KCNH5: variants seen among roughly 807,000 people sequenced by gnomAD.
KCNH5 encodes potassium voltage-gated channel subfamily H member 5.
KCNH5 carries 46 observed loss-of-function variants against 96.1 expected under a neutral mutation model. The observed-to-expected ratio is 0.48, with a 90% CI of 0.38 to 0.61. The LOEUF (loss-of-function observed/expected upper bound fraction) is 0.61. Among genes scored for constraint, KCNH5 ranks in the 20% least tolerant of loss-of-function variants. The pLI is 0.00. For missense variants in KCNH5, 907 were observed against 1,225.8 expected, an observed-to-expected ratio of 0.74 and a Z score of 3.88; for synonymous variants, 439 against 449.8, an observed-to-expected ratio of 0.98 and a Z score of 0.30.
In KCNH5 at chr14:62,699,570, T is replaced by C. The variant is rs1416069850; in HGVS notation, c.*7938A>G. 1 of 152,220 alleles carries C rather than the reference T, an allele frequency of 6.6e-6. No homozygotes were observed. The highest frequency in any genetic ancestry group is 1.5e-5 in the Non-Finnish European group (1 of 68,030). 9.4% of individuals were successfully genotyped at this position (152,220 alleles called of 1,614,324 possible). ...CTCCCTGATGAAATACAGTTTATTG[T>C]GCTGAAACCCAGATTTCTTTTGGGC... is the stretch of plus-strand genomic sequence containing the variant. On this transcript the variant is annotated 3_prime_UTR_variant, in exon 11 of 11. Transcript: ENST00000322893.
intron 6 of KCNH5, among the ~76,000 whole-genome samples, chr14:62,957,040 T>C (rs1277434701): frequency 6.6e-6 from 1 of 152,184 alleles, no homozygotes; most frequent in African/African-American, 2.4e-5. Flanking sequence ...ATCAAGTGCA[T>C]AACAGAACAC....
intron 2 of KCNH5, among the ~76,000 whole-genome samples, chr14:63,011,700 T>G (rs927264145): frequency 5.3e-5 from 8 of 152,136 alleles, no homozygotes; most frequent in Non-Finnish European, 8.8e-5. Context: ...CTTCGGAGTC[T>G]GACATCACCA....
At chr14:62,799,706 TATATATATATATATATATATAC>T (rs1277713812) in intron 9 of KCNH5, among the ~76,000 whole-genome samples, 5 of 104,642 alleles carry the variant, frequency 4.8e-5, no homozygotes, top group Admixed American at 1.0e-4. Flanking sequence ...TATATATATA[TATATATATATATATATATATAC>T]ACACACACAC....
rs145043567 is a variant in KCNH5 at position 62,806,570 on chromosome 14, G to A, written c.1570-3989C>T. Reference sequence around the variant, plus strand: ...ACCCTCCCTACAAAGGAAGCAGACCGCAGCACTGACTGGATAACTTTGGGT... The same window carrying A: ...ACCCTCCCTACAAAGGAAGCAGACCACAGCACTGACTGGATAACTTTGGGT... On this transcript the variant is annotated intron_variant, in intron 8 of 10. Coordinates refer to ENST00000322893, the MANE Select transcript of KCNH5 (RefSeq NM_139318.5). Among the ~76,000 whole-genome samples the A allele has an allele frequency of 3.1e-4, 47 of 152,232 alleles. No homozygotes were observed. The East Asian group carries it at 7.9e-3, about 26-fold the overall frequency.
chr14:62,822,410 A>G (rs370629868), intron 8 of KCNH5, among the ~76,000 whole-genome samples: 2 of 152,148 alleles, frequency 1.3e-5, no homozygotes, highest in African/African-American at 4.8e-5. Context: ...ATGTTGGCAG[A>G]GGGACAGACA....
At chr14:62,847,537 T>A (rs1279628365) in intron 8 of KCNH5, among the ~76,000 whole-genome samples, 1 of 152,186 alleles carries the variant, frequency 6.6e-6, no homozygotes, top group Non-Finnish European at 1.5e-5. Context: ...CTTTTATATT[T>A]GTCACAGTTA....
chr14:62,795,276 GA>G (rs1183808900), intron 9 of KCNH5, among the ~76,000 whole-genome samples: 1 of 152,114 alleles, frequency 6.6e-6, no homozygotes, highest in African/African-American at 2.4e-5. Flanking sequence ...AAACAATTAT[GA>G]AAACAGTTTG....
At chr14:62,832,336 C>G (rs919510425) in intron 8 of KCNH5, among the ~76,000 whole-genome samples, 1 of 152,038 alleles carries the variant, frequency 6.6e-6, no homozygotes, top group East Asian at 1.9e-4. Flanking sequence ...CTTTAGATAC[C>G]TCAAATAAGT....
rs1884399854 is a variant in KCNH5 at position 62,704,791 on chromosome 14, G to C, written c.*2717C>G. 1 of 151,894 alleles carries C rather than the reference G, an allele frequency of 6.6e-6. No homozygotes were observed. Among genetic ancestry groups the C allele is most frequent in the Admixed American group, 6.6e-5 (1 of 15,246 alleles). The allele number at this position is 151,894 out of a possible 1,614,324, so 9.4% of individuals were successfully genotyped here. A position where few individuals can be genotyped will look rare whatever the true frequency, so the allele number is the denominator to read the frequency against. On this transcript the variant is annotated 3_prime_UTR_variant, in exon 11 of 11. Coordinates refer to ENST00000322893, the MANE Select transcript of KCNH5 (RefSeq NM_139318.5). ...TCTGGTCCTCAAAAGAGCATCTACT[G>C]TCTATGTGCTAGTTGAGGCAACATA... is the stretch of plus-strand genomic sequence containing the variant.
chr14:62,981,741 T>C (rs1490151693), intron 5 of KCNH5, among the ~76,000 whole-genome samples: 1 of 152,216 alleles, frequency 6.6e-6, no homozygotes, highest in Admixed American at 6.5e-5. Context: ...GCAAGGGCCC[T>C]GATGGGTGGC....
chr14:62,990,499 T>C (rs968832205), intron 4 of KCNH5, among the ~76,000 whole-genome samples: 2 of 152,050 alleles, frequency 1.3e-5, no homozygotes, highest in Non-Finnish European at 1.5e-5. Context: ...ACAGTAAAAA[T>C]AAAACACATG....
At chr14:62,811,672 A>G (rs931616224) in intron 8 of KCNH5, among the ~76,000 whole-genome samples, 3 of 152,176 alleles carry the variant, frequency 2.0e-5, no homozygotes, top group African/African-American at 4.8e-5. Flanking sequence ...AATTATCAAT[A>G]GATATTTCAG....
At chr14:62,859,939 C>T (rs1393017417) in intron 7 of KCNH5, among the ~76,000 whole-genome samples, 2 of 152,182 alleles carry the variant, frequency 1.3e-5, no homozygotes, top group Non-Finnish European at 2.9e-5. Context: ...GGAATGGAGA[C>T]CATGGGCATT....
At chr14:62,977,783 G>A (rs1021535248) in intron 6 of KCNH5, among the ~76,000 whole-genome samples, 1 of 152,158 alleles carries the variant, frequency 6.6e-6, no homozygotes, top group Non-Finnish European at 1.5e-5. Flanking sequence ...TGCCAAGCCA[G>A]GGTTATTTAC....
intron 7 of KCNH5, among the ~76,000 whole-genome samples, chr14:62,881,735 A>T (rs1010713926): frequency 6.6e-6 from 1 of 152,144 alleles, no homozygotes; most frequent in Non-Finnish European, 1.5e-5. Context: ...GGTTGATATA[A>T]GTATCCATAT....
At chr14:62,794,210 G>A (rs186344400) in intron 9 of KCNH5, among the ~76,000 whole-genome samples, 16 of 152,004 alleles carry the variant, frequency 1.1e-4, no homozygotes, top group Admixed American at 3.3e-4. Flanking sequence ...TTTTTGTAAC[G>A]TATACTGTTA....
rs143938112 is a variant in KCNH5 at position 62,892,758 on chromosome 14, T to C, written c.1370-42906A>G. On this transcript the variant is annotated intron_variant, in intron 7 of 10. Coordinates refer to ENST00000322893, the MANE Select transcript of KCNH5 (RefSeq NM_139318.5). ...AAAATTATGCGAAATCTACTCTACC[T>C]GTGCCCTATAAATGGGACAACAAAG... 2.0e-4 allele frequency among the ~76,000 whole-genome samples: 30 copies of C among 152,328 alleles called. No homozygotes were observed. In the East Asian group the frequency reaches 5.6e-3, roughly 28 times the overall value.
At chr14:62,822,094 A>G (rs1887126970) in intron 8 of KCNH5, among the ~76,000 whole-genome samples, 1 of 152,194 alleles carries the variant, frequency 6.6e-6, no homozygotes, top group Admixed American at 6.5e-5. Flanking sequence ...TGTATCCTAA[A>G]AATTACATTT....
intron 10 of KCNH5, among the ~76,000 whole-genome samples, chr14:62,708,884 T>C (rs1884503158): frequency 1.3e-5 from 2 of 152,228 alleles, no homozygotes; most frequent in South Asian, 4.1e-4. Flanking sequence ...AATTTCTCTG[T>C]AATGAATTGC....
Sources: gnomAD v4.1 joint callset for allele counts (sites outside exome capture counted in the v4.1 genomes callset) on GRCh38, gnomAD v4.1.1 for gene constraint, MANE v1.5 for transcripts, NCBI Gene and HGNC (gene_info 2026-07-23, HGNC 2026-07-21) for gene names.